Variants in OSMR observed in about 807,000 individuals in gnomAD.
The protein encoded by OSMR is oncostatin-M-specific receptor subunit beta.
A neutral mutation model predicts 99.9 loss-of-function variants in OSMR; 81 were observed. The ratio of observed to expected loss-of-function variants is 0.81; its 90% CI spans 0.68 to 0.97. The LOEUF (loss-of-function observed/expected upper bound fraction) is 0.97. Ranked by LOEUF, OSMR falls within the 50% of genes least tolerant of loss-of-function variation. The probability of loss-of-function intolerance (pLI) is 0.00; values close to 1 mark genes in which losing one functional copy is unlikely to be tolerated. For synonymous variants in OSMR, 406 were observed against 410.4 expected (o/e 0.99, Z 0.13); for missense variants, 1,099 against 1,153.4 (o/e 0.95, Z 0.68).
chr5:38,878,955 C>T (rs1052630442), intron 3 of OSMR, among the ~76,000 whole-genome samples: 1 of 152,156 alleles, frequency 6.6e-6, no homozygotes, highest in African/African-American at 2.4e-5. Context: ...GCTCCCAGAT[C>T]AGGCATTGTG....
chr5:38,925,227 A>G lies in OSMR; in HGVS notation c.2068A>G (p.Lys690Glu), dbSNP rs376050834. The change falls in exon 15 of 18, where the codon AAA becomes GAA. Residue 690 changes from lysine (K) to glutamate (E), a missense_variant. Coordinates refer to ENST00000274276, the MANE Select transcript of OSMR (RefSeq NM_003999.3). ...LSDGSECCKY[K>E]IDNPEEKALI... is the part of the protein sequence containing the mutation. ...AGATGGTTCAGAATGTTGCAAATAC[A>G]AAATTGACAACCCGGAAGAAAAGGC... The G allele has an allele frequency of 3.7e-6, 6 of 1,614,170 alleles. No individual in the cohort carries two copies. Among genetic ancestry groups the G allele is most frequent in the Non-Finnish European group, 5.1e-6 (6 of 1,179,998 alleles).
At chr5:38,900,149 C>T (rs547416764) in intron 7 of OSMR, among the ~76,000 whole-genome samples, 7 of 152,114 alleles carry the variant, frequency 4.6e-5, no homozygotes, top group Non-Finnish European at 4.4e-5. Flanking sequence ...CCTCTGTAGG[C>T]GGATATCAGC....
intron 2 of OSMR, among the ~76,000 whole-genome samples, chr5:38,870,488 C>T (rs963359552): frequency 6.6e-6 from 1 of 152,216 alleles, no homozygotes; most frequent in African/African-American, 2.4e-5. Flanking sequence ...CACGCCACCA[C>T]GCCCAGCTAA....
At chr5:38,861,614 G>A (rs1030440496) in intron 1 of OSMR, among the ~76,000 whole-genome samples, 6 of 152,138 alleles carry the variant, frequency 3.9e-5, no homozygotes, top group South Asian at 2.1e-4. Flanking sequence ...ATCCCGGCCC[G>A]CTCTCAATGA....
intron 15 of OSMR, among the ~76,000 whole-genome samples, chr5:38,931,159 C>T (rs551415173): frequency 6.6e-6 from 1 of 152,224 alleles, no homozygotes; most frequent in South Asian, 2.1e-4. Context: ...TAATCATTTT[C>T]CCAGATTAAG....
intron 7 of OSMR, among the ~76,000 whole-genome samples, chr5:38,890,198 A>G (rs950548308): frequency 2.6e-5 from 4 of 152,208 alleles, no homozygotes; most frequent in Admixed American, 6.5e-5. Flanking sequence ...AGTGTGGTCT[A>G]TGGACCAGAA....
chr5:38,880,332 A>C (rs1224061419), intron 3 of OSMR, among the ~76,000 whole-genome samples: 1 of 152,188 alleles, frequency 6.6e-6, no homozygotes, highest in Non-Finnish European at 1.5e-5. Context: ...AGGTTCCCCC[A>C]GTAAGTGTCA....
Position 38,886,065 on chromosome 5 carries a change from C to T in OSMR, c.866C>T (p.Thr289Ile). The T allele has an allele frequency of 6.2e-7, 1 of 1,613,544 alleles. No homozygotes were observed. The highest frequency in any genetic ancestry group is 8.5e-7 in the Non-Finnish European group (1 of 1,179,850). ...ESFSGEKKLC[T>I]HKNWCNWQIT... Reference sequence around the variant, plus strand: ...TTTTCTGGGGAAAAGAAACTTTGTACACACAAAAACTGGTGTAATTGGCAA... The same window carrying T: ...TTTTCTGGGGAAAAGAAACTTTGTATACACAAAAACTGGTGTAATTGGCAA... Residue 289 changes from threonine (T) to isoleucine (I), a missense_variant, in exon 7 of 18, where the codon ACA becomes ATA. Coordinates refer to ENST00000274276, the MANE Select transcript of OSMR (RefSeq NM_003999.3).
chr5:38,920,644 T>G (rs1282916162), intron 11 of OSMR, among the ~76,000 whole-genome samples: 1 of 152,158 alleles, frequency 6.6e-6, no homozygotes, highest in Admixed American at 6.5e-5. Context: ...TAAAAATGAA[T>G]CAGTGGTTTT....
intron 7 of OSMR, among the ~76,000 whole-genome samples, chr5:38,888,978 T>C (rs1329750454): frequency 2.6e-5 from 4 of 152,160 alleles, no homozygotes; most frequent in Admixed American, 2.6e-4. Flanking sequence ...TTGAGTATCG[T>C]GAATTTTATT....
chr5:38,866,650 T>G (rs557161223), intron 1 of OSMR, among the ~76,000 whole-genome samples: 2 of 151,662 alleles, frequency 1.3e-5, no homozygotes, highest in Admixed American at 1.3e-4. Context: ...GAGAGCAGGG[T>G]CTGTTGGCCC....
At chr5:38,862,508 T>G (rs1490282037) in intron 1 of OSMR, among the ~76,000 whole-genome samples, 1 of 140,492 alleles carries the variant, frequency 7.1e-6, no homozygotes, top group Non-Finnish European at 1.5e-5. Flanking sequence ...GCGGAGGGGC[T>G]CCTCACTTCT....
chr5:38,906,550 C>A (rs572828045), intron 9 of OSMR, among the ~76,000 whole-genome samples: 11 of 152,212 alleles, frequency 7.2e-5, no homozygotes, highest in Non-Finnish European at 1.3e-4. Context: ...TACAAGCCAG[C>A]TGAAGATTTT....
chr5:38,878,018 C>A (rs1242546170), intron 3 of OSMR, among the ~76,000 whole-genome samples: 1 of 152,142 alleles, frequency 6.6e-6, no homozygotes, highest in African/African-American at 2.4e-5. Flanking sequence ...AACACCCAAC[C>A]CAGCCTGACT....
At position 38,885,390 on chromosome 5, in the gene OSMR, G is replaced by T. The variant is rs746542626; in HGVS notation, c.745G>T (p.Asp249Tyr). 2 of 1,613,790 alleles carry T rather than the reference G, an allele frequency of 1.2e-6. No individual in the cohort carries two copies. The highest frequency in any genetic ancestry group is 3.3e-5 in the Admixed American group (2 of 60,006). The change falls in exon 6 of 18, where the codon GAC (aspartate) becomes TAC (tyrosine). Residue 249 changes from aspartate to tyrosine, a missense_variant. Asp to Tyr is a radical substitution (Grantham distance 160). Transcript: ENST00000274276. ...EPKDFSCETE[D>Y]FKTLHCTWDP... ...CAAGGACTTTTCTTGTGAAACCGAG[G>T]ACTTCAAGACTTTGCACTGTACTTG... is the stretch of plus-strand genomic sequence containing the variant.
chr5:38,916,817 C>T (rs148416788), intron 9 of OSMR, among the ~76,000 whole-genome samples: 487 of 152,120 alleles, frequency 3.2e-3, no homozygotes, highest in Non-Finnish European at 4.9e-3. Context: ...TTCATTCAAA[C>T]GGTTTGTAGA....
At chr5:38,877,129 G>A (rs1742903025) in intron 3 of OSMR, among the ~76,000 whole-genome samples, 3 of 152,036 alleles carry the variant, frequency 2.0e-5, no homozygotes, top group African/African-American at 7.2e-5. Context: ...TCATTTTCAC[G>A]GGATATTTAA....
chr5:38,874,133 GAT>G (rs1742619384), intron 2 of OSMR, among the ~76,000 whole-genome samples: 1 of 152,166 alleles, frequency 6.6e-6, no homozygotes. Flanking sequence ...AACCTTATCA[GAT>G]ATATGATTTG....
Position 38,876,035 on chromosome 5 carries a change from G to T in OSMR, c.74-166G>T, listed in dbSNP as rs116639991. On this transcript the variant is annotated intron_variant, in intron 2 of 17. Transcript: ENST00000274276. ...ATCTTAATTTCTGTGTCTGCTAAGT[G>T]ATTTCTAAATTCTCTTCCAGATTTC... 2,249 of 471,628 alleles carry T rather than the reference G, an allele frequency of 4.8e-3. 57 individuals are homozygous for T. The highest frequency in any genetic ancestry group is 0.046 in the African/African-American group (2,162 of 47,474). The allele number at this position is 471,628 out of a possible 1,614,324, so 29.2% of individuals were successfully genotyped here.
Sources: gnomAD v4.1 joint callset for allele counts (sites outside exome capture counted in the v4.1 genomes callset) on GRCh38, gnomAD v4.1.1 for gene constraint, MANE v1.5 for transcripts, NCBI Gene and HGNC (gene_info 2026-07-23, HGNC 2026-07-21) for gene names.